The following G2E3 variants were observed in gnomAD, a reference collection of about 807,000 sequenced individuals.
G2E3 encodes G2/M phase-specific E3 ubiquitin-protein ligase.
In G2E3, 35 loss-of-function variants were observed where a neutral mutation model predicts 92.8. The observed-to-expected ratio is 0.38, with a 90% CI of 0.29 to 0.50. The LOEUF is 0.50. Ranked by LOEUF, G2E3 falls within the 20% of genes least tolerant of loss-of-function variation. The pLI is 0.94. For synonymous variants in G2E3, 242 were observed against 272.4 expected (o/e 0.89, Z 1.10); for missense variants, 554 against 823.8 (o/e 0.67, Z 4.01).
intron 4 of G2E3, among the ~76,000 whole-genome samples, chr14:30,591,825 G>A (rs1881028574): frequency 6.6e-6 from 1 of 152,124 alleles, no homozygotes; most frequent in South Asian, 2.1e-4. Flanking sequence ...CGGGACCTGA[G>A]CATAACTTTT....
chr14:30,608,510 A>G (rs1311445286), intron 12 of G2E3, among the ~76,000 whole-genome samples: 1 of 152,206 alleles, frequency 6.6e-6, no homozygotes, highest in Non-Finnish European at 1.5e-5. Flanking sequence ...GGGAGGTATG[A>G]ATGATAGATG....
chr14:30,562,073 A>G (rs1879133855), intron 1 of G2E3, among the ~76,000 whole-genome samples: 1 of 152,164 alleles, frequency 6.6e-6, no homozygotes, highest in Non-Finnish European at 1.5e-5. Context: ...AATCCTCACA[A>G]CCATTTTATT....
chr14:30,610,370 C>A (rs1343186668), intron 12 of G2E3, among the ~76,000 whole-genome samples: 1 of 152,174 alleles, frequency 6.6e-6, no homozygotes, highest in East Asian at 1.9e-4. Flanking sequence ...AATCCCAACA[C>A]TTTGGGAGAA....
chr14:30,615,574 C>T (rs1343910941), intron 14 of G2E3, 35 bp downstream of exon 14: 16 of 1,299,088 alleles, frequency 1.2e-5, no homozygotes, highest in Non-Finnish European at 1.7e-5. Flanking sequence ...TTAACGATCT[C>T]AGAATATTTG....
chr14:30,612,279 G>A lies in G2E3; in HGVS notation c.1573G>A (p.Gly525Arg). The A allele has an allele frequency of 6.2e-7, 1 of 1,603,256 alleles. No individual in the cohort carries two copies. Among genetic ancestry groups the A allele is most frequent in the Non-Finnish European group, 8.5e-7 (1 of 1,170,826 alleles). Reference protein sequence around the residue: ...NECYNYLELIGCLRLITTLSD... With the variant: ...NECYNYLELIRCLRLITTLSD... ...ATGCTATAACTACCTTGAGTTAATT[G>A]GATGTCTCAGACTTATAACGACATT... The change falls in exon 13 of 15, where the codon GGA becomes AGA. Residue 525 changes from glycine (G) to arginine (R), a missense_variant. Coordinates refer to ENST00000206595, the MANE Select transcript of G2E3 (RefSeq NM_017769.5).
At chr14:30,560,179 GTCA>G (rs1472227488) in intron 1 of G2E3, 1 of 151,396 alleles carries the variant, frequency 6.6e-6, no homozygotes, top group Non-Finnish European at 1.5e-5. Flanking sequence ...CAGTAGTAAA[GTCA>G]TGCCTTCTGG....
chr14:30,590,841 T>A (rs1396093122), intron 4 of G2E3: 1 of 423,274 alleles, frequency 2.4e-6, no homozygotes, highest in Non-Finnish European at 4.7e-6. Context: ...AAAGGTCCCC[T>A]TATGGTTTGG....
At chr14:30,601,739 A>C (rs1881577439) in intron 8 of G2E3, 31 bp from the exon 9 acceptor site, 3 of 1,612,788 alleles carry the variant, frequency 1.9e-6, no homozygotes, top group Non-Finnish European at 2.5e-6. Context: ...TAATAACAAA[A>C]TGTAAGTTCT....
chr14:30,598,671 G>C, intron 8 of G2E3, 72 bp downstream of exon 8: 2 of 966,312 alleles, frequency 2.1e-6, no homozygotes, highest in South Asian at 1.3e-5. Flanking sequence ...AGATTTTATA[G>C]TTAGTGAAAC....
chr14:30,616,359 C>G lies in G2E3; in HGVS notation c.1946C>G (p.Pro649Arg). Residue 649 changes from proline (P) to arginine (R), a missense_variant, in exon 15 of 15, where the codon CCC becomes CGC. Pro to Arg is a moderately radical substitution (Grantham distance 103, BLOSUM62 -2). Transcript: ENST00000206595. The stretch of plus-strand genomic sequence containing the variant: ...TCCATTCCTCCAGCTGGATTTAAAC[C>G]CACTCCTTCAATTGAGTGTCTGCAT... ...CSSIPPAGFK[P>R]TPSIECLHVD... 2 of 1,611,262 alleles carry G rather than the reference C, an allele frequency of 1.2e-6. No homozygotes were observed. The highest frequency in any genetic ancestry group is 1.1e-5 in the South Asian group (1 of 90,976).
At chr14:30,605,334 A>G (rs983566849) in intron 10 of G2E3, among the ~76,000 whole-genome samples, 171 bp from the exon 11 acceptor site, 1 of 152,216 alleles carries the variant, frequency 6.6e-6, no homozygotes, top group Non-Finnish European at 1.5e-5. Context: ...ATTATCAAAT[A>G]ACTGTTTTTG....
intron 11 of G2E3, among the ~76,000 whole-genome samples, chr14:30,606,981 A>G (rs1881859734): frequency 6.6e-6 from 1 of 152,130 alleles, no homozygotes; most frequent in Admixed American, 6.5e-5. Context: ...ACCTACTAAT[A>G]CCATCTGTAG....
intron 2 of G2E3, among the ~76,000 whole-genome samples, chr14:30,585,271 C>G (rs1488950166): frequency 6.6e-6 from 1 of 152,180 alleles, no homozygotes; most frequent in East Asian, 1.9e-4. Flanking sequence ...CAGATTTACC[C>G]TTATTCTTTC....
intron 1 of G2E3, chr14:30,573,672 C>T (rs1304990512): frequency 6.6e-6 from 1 of 152,066 alleles, no homozygotes; most frequent in African/African-American, 2.4e-5. Flanking sequence ...AGATTGATGT[C>T]CTACCTCAAG....
intron 1 of G2E3, among the ~76,000 whole-genome samples, chr14:30,574,295 C>G (rs560296602): frequency 6.6e-6 from 1 of 152,128 alleles, no homozygotes; most frequent in Non-Finnish European, 1.5e-5. Context: ...ATACTTTCAA[C>G]TAAATATTGT....
At chr14:30,611,789 G>T (rs1882100998) in intron 12 of G2E3, 1 of 152,932 alleles carries the variant, frequency 6.5e-6, no homozygotes, top group African/African-American at 2.4e-5. Flanking sequence ...AGAGTAGCTA[G>T]GACTACAGGT....
In G2E3 at chr14:30,617,195, G is replaced by T. The variant is rs1322480761; in HGVS notation, c.*661G>T. On this transcript the variant is annotated 3_prime_UTR_variant, in exon 15 of 15. Transcript: ENST00000206595. ...TGCTTGTAATCTCAGTTATAAGGGAGGCTGAGGTGGGAGAATCGAGATACT... is the reference window on the plus strand; with the variant it reads ...TGCTTGTAATCTCAGTTATAAGGGATGCTGAGGTGGGAGAATCGAGATACT... 2 of 151,988 alleles carry T rather than the reference G, an allele frequency of 1.3e-5. No homozygotes were observed. Among genetic ancestry groups the T allele is most frequent in the African/African-American group, 4.8e-5 (2 of 41,402 alleles). 9.4% of individuals were successfully genotyped at this position (151,988 alleles called of 1,614,324 possible). A position where few individuals can be genotyped will look rare whatever the true frequency, so the allele number is the denominator to read the frequency against.
At position 30,612,405 on chromosome 14, in the gene G2E3, C is replaced by T. The variant is rs1882136530; in HGVS notation, c.1673+26C>T. 3 of 1,398,314 alleles carry T rather than the reference C, an allele frequency of 2.1e-6. No individual in the cohort carries two copies. In the African/African-American group the frequency reaches 4.3e-5, roughly 20 times the overall value. 86.6% of individuals were successfully genotyped at this position (1,398,314 alleles called of 1,614,324 possible). A position where few individuals can be genotyped will look rare whatever the true frequency, so the allele number is the denominator to read the frequency against. ...GTAAGTTGTTTCTATTAATATATGG[C>T]TCTTTCAAATTACATGTTTAAAGTG... On this transcript the variant is annotated intron_variant, in intron 13 of 14. Transcript: ENST00000206595.
At chr14:30,575,218 GTCT>G (rs1435251271) in intron 1 of G2E3, among the ~76,000 whole-genome samples, 1 of 152,048 alleles carries the variant, frequency 6.6e-6, no homozygotes, top group Non-Finnish European at 1.5e-5. Context: ...TCGCGTATAT[GTCT>G]TCTTTTGAGA....
Sources: gnomAD v4.1 joint callset for allele counts (sites outside exome capture counted in the v4.1 genomes callset) on GRCh38, gnomAD v4.1.1 for gene constraint, MANE v1.5 for transcripts, NCBI Gene and HGNC (gene_info 2026-07-23, HGNC 2026-07-21) for gene names.